Variants in FAM13B observed in about 807,000 individuals in gnomAD.
FAM13B encodes the protein family with sequence similarity 13 member B.
A neutral mutation model predicts 117.3 loss-of-function variants in FAM13B; 60 were observed. The ratio of observed to expected loss-of-function variants is 0.51; its 90% CI spans 0.42 to 0.63. The LOEUF (loss-of-function observed/expected upper bound fraction) is 0.63. Ranked by LOEUF, FAM13B falls within the 30% of genes least tolerant of loss-of-function variation. The pLI is 0.00. For missense variants in FAM13B, 972 were observed against 1,091.9 expected (o/e 0.89, Z 1.55); for synonymous variants, 332 against 356.1 (o/e 0.93, Z 0.76).
intron 1 of FAM13B, among the ~76,000 whole-genome samples, chr5:138,048,867 C>T (rs1442332037): frequency 1.3e-5 from 2 of 152,080 alleles, no homozygotes; most frequent in African/African-American, 4.8e-5. Context: ...TTTGCCACTA[C>T]CTCAATGTCA....
intron 7 of FAM13B, among the ~76,000 whole-genome samples, chr5:138,002,186 GA>G (rs1330378771): frequency 6.6e-6 from 1 of 152,116 alleles, no homozygotes; most frequent in East Asian, 1.9e-4. Context: ...TAATTTTTAA[GA>G]AACAAGAATA....
At chr5:137,981,202 T>G (rs181904790) in intron 10 of FAM13B, among the ~76,000 whole-genome samples, 1 of 150,232 alleles carries the variant, frequency 6.7e-6, no homozygotes, top group Non-Finnish European at 1.5e-5. Flanking sequence ...CCTCCCAAAG[T>G]GCTAGGATTA....
At chr5:138,032,229 C>G (rs1320946085) in intron 1 of FAM13B, among the ~76,000 whole-genome samples, 3 of 152,206 alleles carry the variant, frequency 2.0e-5, no homozygotes, top group Non-Finnish European at 1.5e-5. Context: ...CTGGCCTATG[C>G]AGAGCGCATT....
intron 23 of FAM13B, 113 bp from the exon 24 acceptor site, chr5:137,940,461 T>G (rs1369567682): frequency 2.8e-6 from 2 of 710,006 alleles, no homozygotes; most frequent in Non-Finnish European, 4.6e-6. Context: ...AATAAAAAGT[T>G]GTTCTGTTAA....
At position 137,962,525 on chromosome 5, in the gene FAM13B, A is replaced by C. The variant is rs1768441566; in HGVS notation, c.1180-56T>G. ...GGAGCTCCCAATACTCAGATAAGAGAAGTTGCCAATCTAAATTAGGATATT... is the reference window on the plus strand; with the variant it reads ...GGAGCTCCCAATACTCAGATAAGAGCAGTTGCCAATCTAAATTAGGATATT... On this transcript the variant is annotated intron_variant, in intron 10 of 23. Coordinates refer to ENST00000689681, the MANE Select transcript of FAM13B (RefSeq NM_001385994.1). The C allele has an allele frequency of 7.3e-6, 11 of 1,507,890 alleles. No homozygotes were observed. The South Asian group carries it at 1.3e-4, about 18-fold the overall frequency. 93.4% of individuals were successfully genotyped at this position (1,507,890 alleles called of 1,614,324 possible).
chr5:138,008,066 T>C (rs9327804), intron 6 of FAM13B, among the ~76,000 whole-genome samples: 112,331 of 152,190 alleles, frequency 0.74, 42,122 homozygotes, highest in East Asian at 0.97. Flanking sequence ...AAAGTAAAAC[T>C]GCAACCAAAA....
At chr5:138,015,022 G>A (rs990295931) in intron 4 of FAM13B, among the ~76,000 whole-genome samples, 2 of 152,168 alleles carry the variant, frequency 1.3e-5, no homozygotes, top group Non-Finnish European at 2.9e-5. Flanking sequence ...TGCTAGCTAT[G>A]TTTTCTATCA....
intron 10 of FAM13B, among the ~76,000 whole-genome samples, chr5:137,977,204 C>G (rs2150473449): frequency 6.6e-6 from 1 of 152,226 alleles, no homozygotes; most frequent in East Asian, 1.9e-4. Context: ...AAATTCCCGC[C>G]TAATAAATTT....
At chr5:137,976,734 A>G (rs1026991977) in intron 10 of FAM13B, among the ~76,000 whole-genome samples, 2 of 152,118 alleles carry the variant, frequency 1.3e-5, no homozygotes, top group African/African-American at 4.8e-5. Flanking sequence ...CACCTCCCCA[A>G]TCAATACCCT....
chr5:137,976,041 T>G (rs1283708669), intron 10 of FAM13B, among the ~76,000 whole-genome samples: 1 of 141,626 alleles, frequency 7.1e-6, no homozygotes, highest in African/African-American at 2.6e-5. Context: ...AGTGGCGCGA[T>G]CTCCGCCTCC....
intron 10 of FAM13B, among the ~76,000 whole-genome samples, chr5:137,975,466 T>C (rs1444051610): frequency 6.6e-6 from 1 of 152,164 alleles, no homozygotes; most frequent in Non-Finnish European, 1.5e-5. Context: ...TACAAATTCA[T>C]GTCATCAAAC....
At chr5:137,954,619 ATT>A (rs34174978) in intron 14 of FAM13B, 550 of 170,260 alleles carry the variant, frequency 3.2e-3, no homozygotes, top group East Asian at 0.01. Context: ...CCAGAGTTCA[ATT>A]TTTTTTTTTT....
rs572943788 is a variant in FAM13B, at chr5:137,938,872, C to T, written c.*1353G>A. 7 of 152,072 alleles carry T rather than the reference C, an allele frequency of 4.6e-5. No homozygotes were observed. Among genetic ancestry groups the T allele is most frequent in the South Asian group, 2.1e-4 (1 of 4,808 alleles). 9.4% of individuals were successfully genotyped at this position (152,072 alleles called of 1,614,324 possible). A position where few individuals can be genotyped will look rare whatever the true frequency, so the allele number is the denominator to read the frequency against. Reference sequence around the variant, plus strand: ...AAAACCATGCATGAGTCATTGCATGCAAAACATGGGTATAGTCAAAGTGAG... The same window carrying T: ...AAAACCATGCATGAGTCATTGCATGTAAAACATGGGTATAGTCAAAGTGAG... On this transcript the variant is annotated 3_prime_UTR_variant, in exon 24 of 24. Coordinates refer to ENST00000689681, the MANE Select transcript of FAM13B (RefSeq NM_001385994.1).
upstream of FAM13B, among the ~76,000 whole-genome samples, chr5:138,034,774 T>G (rs55809453): frequency 0.18 from 27,441 of 152,078 alleles, 2,604 homozygotes; most frequent in African/African-American, 0.21. Flanking sequence ...AAGCTTTACC[T>G]GTGATTCCAT....
chr5:137,979,051 C>T (rs1312291245), intron 10 of FAM13B, among the ~76,000 whole-genome samples: 1 of 146,354 alleles, frequency 6.8e-6, no homozygotes, highest in African/African-American at 2.5e-5. Flanking sequence ...CTTACTCTTT[C>T]ACCCAGGCTG....
rs1782717733 is a variant in FAM13B at position 138,006,983 on chromosome 5, C to T, written c.848+7G>A. The T allele has an allele frequency of 2.5e-6, 4 of 1,599,306 alleles. No homozygotes were observed. The highest frequency in any genetic ancestry group is 3.4e-6 in the Non-Finnish European group (4 of 1,175,714). On this transcript the variant is annotated splice_region_variant and intron_variant, in intron 7 of 23. Coordinates refer to ENST00000689681, the MANE Select transcript of FAM13B (RefSeq NM_001385994.1). ...AAAAGCTAAAGTTCATTCAACTGAGCTATTACCTTGTTGCCGTAACACTAT... is the reference window on the plus strand; with the variant it reads ...AAAAGCTAAAGTTCATTCAACTGAGTTATTACCTTGTTGCCGTAACACTAT...
At chr5:138,011,969 T>A in intron 4 of FAM13B, 24 bp from the exon 5 acceptor site, 1 of 1,517,792 alleles carries the variant, frequency 6.6e-7, no homozygotes. Context: ...ATAACAGGTT[T>A]TTTTCAATAA....
At chr5:137,993,976 A>T (rs969886139) in intron 7 of FAM13B, among the ~76,000 whole-genome samples, 1 of 152,198 alleles carries the variant, frequency 6.6e-6, no homozygotes, top group Non-Finnish European at 1.5e-5. Flanking sequence ...CCAGCCTCCA[A>T]AAAGAATAAA....
In FAM13B at chr5:138,023,650, C is replaced by T. The variant is rs770958826; in HGVS notation, c.-202-2453G>A. Reference sequence around the variant, plus strand: ...ATATGCGATCACAGCTCACTGCAGCCTCAACCTCCCCAGACCTACGTGATC... The same window carrying T: ...ATATGCGATCACAGCTCACTGCAGCTTCAACCTCCCCAGACCTACGTGATC... On this transcript the variant is annotated intron_variant, in intron 1 of 23. Transcript: ENST00000689681. Among the ~76,000 whole-genome samples the T allele has an allele frequency of 1.2e-4, 18 of 152,276 alleles. 1 individual carries two copies. The highest frequency in any genetic ancestry group is 2.1e-4 in the Non-Finnish European group (14 of 68,018).
Sources: allele counts gnomAD v4.1 joint callset (sites outside exome capture counted in the v4.1 genomes callset), GRCh38; gene constraint gnomAD v4.1.1; transcripts MANE v1.5; gene names NCBI Gene and HGNC (gene_info 2026-07-23, HGNC 2026-07-21).